SCFD2: variants seen among roughly 807,000 people sequenced by gnomAD.
SCFD2 encodes the protein sec1 family domain containing 2, also known as sec1 family domain-containing protein 2.
SCFD2 carries 54 observed loss-of-function variants against 58.9 expected under a neutral mutation model. The ratio of observed to expected loss-of-function variants is 0.92; its 90% CI spans 0.74 to 1.15. The LOEUF is 1.15. Among genes scored for constraint, SCFD2 ranks in the 50% most tolerant of loss-of-function variants. The pLI, the probability that SCFD2 is intolerant of heterozygous loss-of-function variation, is 0.00. For missense variants in SCFD2, 805 were observed against 836.6 expected (o/e 0.96, Z 0.47); for synonymous variants, 321 against 335.9 (o/e 0.96, Z 0.49).
At chr4:53,129,434 AT>A (rs1045601593) in intron 5 of SCFD2, among the ~76,000 whole-genome samples, 5 of 152,232 alleles carry the variant, frequency 3.3e-5, no homozygotes, top group Non-Finnish European at 7.3e-5. Context: ...TTAAAACTAA[AT>A]TTTAAAATAT....
At chr4:53,075,818 T>C (rs948774384) in intron 5 of SCFD2, among the ~76,000 whole-genome samples, 2 of 152,216 alleles carry the variant, frequency 1.3e-5, no homozygotes, top group Non-Finnish European at 2.9e-5. Flanking sequence ...CAATGACAGA[T>C]ATAAAAATAA....
At chr4:53,310,222 G>A (rs1732649731) in intron 3 of SCFD2, among the ~76,000 whole-genome samples, 1 of 152,164 alleles carries the variant, frequency 6.6e-6, no homozygotes, top group African/African-American at 2.4e-5. Flanking sequence ...TAAAGAAACA[G>A]AGGCATCAAG....
chr4:52,978,336 C>T (rs1298236045), intron 5 of SCFD2, among the ~76,000 whole-genome samples: 1 of 152,152 alleles, frequency 6.6e-6, no homozygotes, highest in Non-Finnish European at 1.5e-5. Flanking sequence ...GTGTTTGATG[C>T]TACTCTCTGA....
chr4:53,148,228 A>G (rs894958655), intron 4 of SCFD2, among the ~76,000 whole-genome samples: 1 of 152,206 alleles, frequency 6.6e-6, no homozygotes, highest in Non-Finnish European at 1.5e-5. Context: ...CATCATCATG[A>G]TCATTTGTAA....
chr4:53,229,977 T>C (rs983776756), intron 4 of SCFD2, among the ~76,000 whole-genome samples: 13 of 152,122 alleles, frequency 8.5e-5, no homozygotes, highest in African/African-American at 2.9e-4. Flanking sequence ...GAACAGACAC[T>C]TCTCAAAAGA....
intron 8 of SCFD2, among the ~76,000 whole-genome samples, chr4:52,877,849 C>G (rs151306884): frequency 6.6e-6 from 1 of 152,212 alleles, no homozygotes; most frequent in African/African-American, 2.4e-5. Flanking sequence ...GTAAGCCCAG[C>G]CCTCCCGGAG....
intron 4 of SCFD2, among the ~76,000 whole-genome samples, chr4:53,169,611 G>T (rs1006209310): frequency 2.6e-5 from 4 of 151,992 alleles, no homozygotes; most frequent in African/African-American, 9.7e-5. Flanking sequence ...ATTTTAAGGA[G>T]CCTTTGTATA....
At chr4:52,996,581 T>G (rs1478762006) in intron 5 of SCFD2, among the ~76,000 whole-genome samples, 1 of 152,162 alleles carries the variant, frequency 6.6e-6, no homozygotes, top group East Asian at 1.9e-4. Flanking sequence ...GATGCTGGTG[T>G]TGTGGATAAG....
At chr4:52,926,834 G>A (rs983670950) in intron 5 of SCFD2, among the ~76,000 whole-genome samples, 3 of 152,116 alleles carry the variant, frequency 2.0e-5, no homozygotes, top group Non-Finnish European at 4.4e-5. Context: ...AGAGCACTGG[G>A]GGTCATGACC....
chr4:53,301,820 C>A (rs1412142506), intron 3 of SCFD2, among the ~76,000 whole-genome samples: 4 of 152,082 alleles, frequency 2.6e-5, no homozygotes, highest in African/African-American at 4.8e-5. Flanking sequence ...TAAACGTAAT[C>A]CAGCACATAA....
chr4:52,898,381 T>A (rs1303744761), intron 7 of SCFD2, among the ~76,000 whole-genome samples: 2 of 152,254 alleles, frequency 1.3e-5, no homozygotes, highest in Admixed American at 6.5e-5. Context: ...TCAAAGAACA[T>A]CTTTATTTCT....
chr4:53,236,888 G>C (rs1356146025), intron 4 of SCFD2, among the ~76,000 whole-genome samples: 1 of 151,218 alleles, frequency 6.6e-6, no homozygotes, highest in Non-Finnish European at 1.5e-5. Flanking sequence ...TTCTCACAGA[G>C]GGGGATTTGG....
chr4:53,171,484 C>A (rs1349836273), intron 4 of SCFD2, among the ~76,000 whole-genome samples: 3 of 152,134 alleles, frequency 2.0e-5, no homozygotes, highest in Admixed American at 2.0e-4. Flanking sequence ...ATTCTCTTTC[C>A]TGGTAATTTC....
chr4:53,214,483 G>T (rs895416437), intron 4 of SCFD2, among the ~76,000 whole-genome samples: 1 of 151,990 alleles, frequency 6.6e-6, no homozygotes, highest in Non-Finnish European at 1.5e-5. Flanking sequence ...CATATCCTTG[G>T]CCCACTTTTT....
intron 5 of SCFD2, among the ~76,000 whole-genome samples, chr4:53,027,689 G>A (rs1577669570): frequency 1.3e-5 from 2 of 152,008 alleles, no homozygotes; most frequent in East Asian, 3.9e-4. Flanking sequence ...TTTGCCAGGT[G>A]TGGTGGCACC....
At chr4:52,969,680 T>A (rs1484627247) in intron 5 of SCFD2, among the ~76,000 whole-genome samples, 1 of 152,182 alleles carries the variant, frequency 6.6e-6, no homozygotes, top group Non-Finnish European at 1.5e-5. Context: ...CCTGATGAGG[T>A]CTGACCCCTT....
chr4:53,180,463 G>A (rs1264869524), intron 4 of SCFD2, among the ~76,000 whole-genome samples: 1 of 151,926 alleles, frequency 6.6e-6, no homozygotes, highest in Non-Finnish European at 1.5e-5. Flanking sequence ...CGAGAACAAA[G>A]ACACAACATA....
chr4:53,056,801 G>A (rs1464175621), intron 5 of SCFD2, among the ~76,000 whole-genome samples: 1 of 152,120 alleles, frequency 6.6e-6, no homozygotes, highest in Admixed American at 6.6e-5. Flanking sequence ...GAGGGATAGG[G>A]GCACTGAGTG....
At chr4:53,306,487 ATAAT>A (rs1214793966) in intron 3 of SCFD2, among the ~76,000 whole-genome samples, 2 of 152,218 alleles carry the variant, frequency 1.3e-5, no homozygotes, top group African/African-American at 4.8e-5. Flanking sequence ...AATAGAAATA[ATAAT>A]TATTAATTAT....
Sources: allele counts gnomAD v4.1 joint callset (sites outside exome capture counted in the v4.1 genomes callset), GRCh38; gene constraint gnomAD v4.1.1; transcripts MANE v1.5; gene names NCBI Gene and HGNC (gene_info 2026-07-23, HGNC 2026-07-21).